Variants in AGBL1 observed in about 807,000 individuals in gnomAD.
AGBL1 encodes the protein cytosolic carboxypeptidase 4.
A neutral mutation model predicts 118.9 loss-of-function variants in AGBL1; 130 were observed. The ratio of observed to expected loss-of-function variants is 1.09; its 90% CI spans 0.95 to 1.26. AGBL1 has a LOEUF of 1.26. AGBL1 is among the 50% of genes most tolerant of loss of function. The pLI, the probability that AGBL1 is intolerant of heterozygous loss-of-function variation, is 0.00. For missense variants in AGBL1, 1,584 were observed against 1,298.1 expected, an observed-to-expected ratio of 1.22 and a Z score of -3.38; for synonymous variants, 555 against 478.9, an observed-to-expected ratio of 1.16 and a Z score of -2.08.
intron 24 of AGBL1, among the ~76,000 whole-genome samples, chr15:86,994,034 A>G (rs1290827997): frequency 1.3e-5 from 2 of 152,110 alleles, no homozygotes; most frequent in Non-Finnish European, 2.9e-5. Context: ...TCAGTGTGAC[A>G]CAGGTTCTGT....
intron 1 of AGBL1, among the ~76,000 whole-genome samples, chr15:86,134,963 T>C (rs2076869891): frequency 6.6e-6 from 1 of 151,956 alleles, no homozygotes. Flanking sequence ...GTTTTGAATA[T>C]GATTTGTTTG....
chr15:86,594,366 T>C (rs940417849), intron 21 of AGBL1, among the ~76,000 whole-genome samples: 1 of 152,244 alleles, frequency 6.6e-6, no homozygotes, highest in South Asian at 2.1e-4. Flanking sequence ...TTTCTTTTTT[T>C]GGTAACATCT....
chr15:86,730,982 C>T (rs951676194), intron 22 of AGBL1, among the ~76,000 whole-genome samples: 1 of 151,962 alleles, frequency 6.6e-6, no homozygotes, highest in Admixed American at 6.6e-5. Context: ...CATATGCCAC[C>T]ATGCCAAGCT....
intron 22 of AGBL1, among the ~76,000 whole-genome samples, chr15:86,812,502 C>G (rs2078802876): frequency 6.6e-6 from 1 of 152,164 alleles, no homozygotes; most frequent in Non-Finnish European, 1.5e-5. Flanking sequence ...TGCTCGAGCT[C>G]CACCACAAGC....
chr15:86,934,038 G>A (rs1249316459), intron 23 of AGBL1, among the ~76,000 whole-genome samples: 1 of 152,202 alleles, frequency 6.6e-6, no homozygotes, highest in Non-Finnish European at 1.5e-5. Flanking sequence ...CTCAGTTATA[G>A]AAACAAAATA....
chr15:86,358,010 A>G (rs921812169), intron 17 of AGBL1, among the ~76,000 whole-genome samples: 4 of 152,110 alleles, frequency 2.6e-5, no homozygotes, highest in African/African-American at 9.7e-5. Flanking sequence ...ATCACCTCAC[A>G]TACTTATAAT....
rs181966238 is a variant in AGBL1, at chr15:86,869,725, A to G, written c.3159-37362A>G. Among the ~76,000 whole-genome samples, 173 of 152,262 alleles carry G rather than the reference A, an allele frequency of 1.1e-3. 1 individual carries two copies. The highest frequency in any genetic ancestry group is 4.6e-3 in the Admixed American group (71 of 15,290). ...TATTATAACCATCCCTACTACCCCA[A>G]CTATTACACATGCTGACAAGGAGGG... On this transcript the variant is annotated intron_variant, in intron 22 of 22. Coordinates refer to ENST00000614907, the MANE Select transcript of AGBL1 (RefSeq NM_001386094.1).
At chr15:86,498,430 T>G (rs1162042230) in intron 18 of AGBL1, among the ~76,000 whole-genome samples, 3 of 151,824 alleles carry the variant, frequency 2.0e-5, no homozygotes, top group Non-Finnish European at 4.4e-5. Flanking sequence ...AACACAAAAA[T>G]TTTCCTCTAT....
intron 17 of AGBL1, among the ~76,000 whole-genome samples, chr15:86,364,506 C>A (rs771269817): frequency 6.6e-6 from 1 of 152,082 alleles, no homozygotes; most frequent in Non-Finnish European, 1.5e-5. Flanking sequence ...AATTTTAATG[C>A]GTCCACCATT....
chr15:86,294,484 G>A (rs1180099853), intron 16 of AGBL1, among the ~76,000 whole-genome samples: 1 of 148,312 alleles, frequency 6.7e-6, no homozygotes, highest in Non-Finnish European at 1.5e-5. Context: ...TTTTAAATGA[G>A]TATTGGGGAG....
intron 23 of AGBL1, among the ~76,000 whole-genome samples, chr15:86,927,579 C>A (rs12900969): frequency 6.6e-6 from 1 of 152,084 alleles, no homozygotes; most frequent in Admixed American, 6.6e-5. Context: ...AGAGCAAGAC[C>A]CCATCTTTGA....
At chr15:86,209,866 G>A (rs146705748) in intron 5 of AGBL1, among the ~76,000 whole-genome samples, 4,881 of 152,198 alleles carry the variant, frequency 0.032, 118 homozygotes, top group South Asian at 0.078. Context: ...TATGACGTTA[G>A]CTGGTTATTT....
chr15:86,786,160 G>T (rs574179544), intron 22 of AGBL1, among the ~76,000 whole-genome samples: 2 of 151,996 alleles, frequency 1.3e-5, no homozygotes, highest in Admixed American at 6.6e-5. Context: ...CAGTGTGCAG[G>T]TTAGTTAGAT....
intron 22 of AGBL1, among the ~76,000 whole-genome samples, chr15:86,894,276 GGTGA>G (rs1352803271): frequency 1.3e-5 from 2 of 152,154 alleles, no homozygotes; most frequent in East Asian, 3.8e-4. Flanking sequence ...AGTTGCAAAT[GGTGA>G]GTATGAATTG....
At chr15:86,690,394 A>T (rs2086143300) in intron 22 of AGBL1, among the ~76,000 whole-genome samples, 1 of 152,132 alleles carries the variant, frequency 6.6e-6, no homozygotes, top group African/African-American at 2.4e-5. Flanking sequence ...GTTTGTACCA[A>T]CTCTGAAATA....
At chr15:86,587,386 C>T (rs74523528) in intron 21 of AGBL1, among the ~76,000 whole-genome samples, 1 of 152,044 alleles carries the variant, frequency 6.6e-6, no homozygotes, top group South Asian at 2.1e-4. Context: ...AGATGGAATC[C>T]GAGCTCACCT....
intron 21 of AGBL1, among the ~76,000 whole-genome samples, chr15:86,629,939 A>G (rs909375299): frequency 6.6e-6 from 1 of 152,248 alleles, no homozygotes; most frequent in Non-Finnish European, 1.5e-5. Flanking sequence ...AGAACTAATT[A>G]GCATTACATT....
intron 18 of AGBL1, among the ~76,000 whole-genome samples, chr15:86,404,676 G>A (rs534727970): frequency 4.6e-5 from 7 of 152,274 alleles, no homozygotes; most frequent in Non-Finnish European, 1.0e-4. Context: ...AATTGACTGG[G>A]GAAAGTTTCA....
chr15:86,989,689 A>G (rs1218901951), intron 24 of AGBL1, among the ~76,000 whole-genome samples: 1 of 152,242 alleles, frequency 6.6e-6, no homozygotes, highest in Non-Finnish European at 1.5e-5. Flanking sequence ...AATAAATAAT[A>G]TGACATATGA....
Sources: gnomAD v4.1 joint callset for allele counts (sites outside exome capture counted in the v4.1 genomes callset) on GRCh38, gnomAD v4.1.1 for gene constraint, MANE v1.5 for transcripts, NCBI Gene and HGNC (gene_info 2026-07-23, HGNC 2026-07-21) for gene names.